Variants in SYNDIG1 observed in about 807,000 individuals in gnomAD.
The protein encoded by SYNDIG1 is synapse differentiation inducing 1.
A neutral mutation model predicts 19.4 loss-of-function variants in SYNDIG1; 9 were observed. The observed-to-expected ratio is 0.46, with a 90% CI of 0.28 to 0.81. The LOEUF (loss-of-function observed/expected upper bound fraction) is 0.81, where lower values mean the gene tolerates loss of function less well. Ranked by LOEUF, SYNDIG1 falls within the 30% of genes least tolerant of loss-of-function variation. The pLI is 0.12. For missense variants in SYNDIG1, 311 were observed against 343.3 expected, an observed-to-expected ratio of 0.91 and a Z score of 0.74; for synonymous variants, 141 against 145.9, an observed-to-expected ratio of 0.97 and a Z score of 0.24.
At chr20:24,626,942 G>A (rs886760018) in intron 3 of SYNDIG1, among the ~76,000 whole-genome samples, 43 of 152,280 alleles carry the variant, frequency 2.8e-4, no homozygotes, top group African/African-American at 8.7e-4. Context: ...CAGGCGTGGC[G>A]GCGCGCGCCT....
intron 2 of SYNDIG1, among the ~76,000 whole-genome samples, chr20:24,583,378 G>A (rs1279401199): frequency 5.9e-5 from 9 of 152,186 alleles, no homozygotes; most frequent in Non-Finnish European, 7.3e-5. Flanking sequence ...AGTCATTCTC[G>A]AAGCGCTCCA....
At chr20:24,473,000 C>T (rs1236522974) in intron 1 of SYNDIG1, among the ~76,000 whole-genome samples, 1 of 152,210 alleles carries the variant, frequency 6.6e-6, no homozygotes, top group African/African-American at 2.4e-5. Context: ...TCCAGCTTGA[C>T]CCTGTGCCCC....
intron 3 of SYNDIG1, among the ~76,000 whole-genome samples, chr20:24,586,055 A>G (rs1396392151): frequency 1.3e-5 from 2 of 152,174 alleles, no homozygotes; most frequent in East Asian, 3.9e-4. Context: ...CCCTGCCTTT[A>G]TGGGATTTCT....
Position 24,645,187 on chromosome 20 carries a change from T to A in SYNDIG1, c.619-20159T>A, listed in dbSNP as rs190592680. On this transcript the variant is annotated intron_variant, in intron 3 of 3. Transcript: ENST00000376862. ...GTGGCGGTGCACTGCTCTCTCCTGG[T>A]GGTGAAGTGAGCCTCCTGTTGGAAT... is the stretch of plus-strand genomic sequence containing the variant. Among the ~76,000 whole-genome samples the A allele has an allele frequency of 2.0e-3, 307 of 152,342 alleles. 2 individuals are homozygous for A. The Middle Eastern group carries it at 0.024, about 12-fold the overall frequency.
At chr20:24,549,791 A>G (rs922974253) in intron 2 of SYNDIG1, among the ~76,000 whole-genome samples, 8 of 152,134 alleles carry the variant, frequency 5.3e-5, no homozygotes, top group Non-Finnish European at 1.2e-4. Flanking sequence ...TTTGAGTGGT[A>G]GAGGTGGTTT....
intron 1 of SYNDIG1, among the ~76,000 whole-genome samples, chr20:24,521,934 T>G (rs1024563093): frequency 2.9e-4 from 44 of 149,770 alleles, no homozygotes; most frequent in Non-Finnish European, 5.5e-4. Flanking sequence ...TACCCCGAAA[T>G]AGTAATGAAA....
Position 24,578,450 on chromosome 20 carries a change from AAAAAAGAAAGAAAG to A in SYNDIG1, c.481-6396_481-6383del, listed in dbSNP as rs2058266632. Among the ~76,000 whole-genome samples, 4 of 152,118 alleles carry A rather than the reference AAAAAAGAAAGAAAG, an allele frequency of 2.6e-5. No individual in the cohort carries two copies. The South Asian group carries it at 8.3e-4, about 32-fold the overall frequency. Reference sequence around the variant, plus strand: ...GTGCGAGACTCTGTATCAAAAAAAAAAAAAAGAAAGAAAGAAAAAGAAAAGAAAAAAAAAGGAAG... The same window carrying A: ...GTGCGAGACTCTGTATCAAAAAAAAAAAAAAGAAAAGAAAAAAAAAGGAAG... On this transcript the variant is annotated intron_variant, in intron 2 of 3. Coordinates refer to ENST00000376862, the MANE Select transcript of SYNDIG1 (RefSeq NM_024893.3).
intron 2 of SYNDIG1, among the ~76,000 whole-genome samples, chr20:24,556,869 G>T (rs1211424341): frequency 6.6e-6 from 1 of 152,188 alleles, no homozygotes; most frequent in Non-Finnish European, 1.5e-5. Flanking sequence ...CTAGATTGGG[G>T]AAGTTCTCCT....
chr20:24,636,429 G>C (rs1292687663), intron 3 of SYNDIG1, among the ~76,000 whole-genome samples: 1 of 152,196 alleles, frequency 6.6e-6, no homozygotes, highest in African/African-American at 2.4e-5. Flanking sequence ...CTAGTCCATG[G>C]CAAAGTACAT....
At chr20:24,604,202 T>G (rs11905582) in intron 3 of SYNDIG1, among the ~76,000 whole-genome samples, 4,626 of 152,240 alleles carry the variant, frequency 0.03, 150 homozygotes, top group African/African-American at 0.083. Context: ...ACTCGATGGT[T>G]TTGTTCATAA....
chr20:24,548,411 G>A (rs2057634106), intron 2 of SYNDIG1, among the ~76,000 whole-genome samples: 1 of 152,206 alleles, frequency 6.6e-6, no homozygotes, highest in Non-Finnish European at 1.5e-5. Context: ...GTCTTCCCAT[G>A]TAAAAACTTG....
chr20:24,644,251 A>G (rs774748986), intron 3 of SYNDIG1, among the ~76,000 whole-genome samples: 10 of 152,260 alleles, frequency 6.6e-5, no homozygotes, highest in Non-Finnish European at 1.3e-4. Flanking sequence ...TATTGCTGAC[A>G]TAGATGATGA....
chr20:24,578,624 G>A (rs895660646), intron 2 of SYNDIG1, among the ~76,000 whole-genome samples: 1 of 152,138 alleles, frequency 6.6e-6, no homozygotes, highest in East Asian at 1.9e-4. Context: ...TGGCATTTGC[G>A]CAAAAGCCTC....
intron 2 of SYNDIG1, among the ~76,000 whole-genome samples, chr20:24,574,137 C>G (rs1568653457): frequency 6.6e-6 from 1 of 152,092 alleles, no homozygotes; most frequent in Non-Finnish European, 1.5e-5. Context: ...AGCAATTGCA[C>G]CTGAATCCTT....
chr20:24,605,987 T>C (rs1275020847), intron 3 of SYNDIG1, among the ~76,000 whole-genome samples: 1 of 152,272 alleles, frequency 6.6e-6, no homozygotes, highest in African/African-American at 2.4e-5. Flanking sequence ...AGTAAAGCTG[T>C]CCACATGTTT....
rs1378745677 is a variant in SYNDIG1 at position 24,631,316 on chromosome 20, G to T, written c.619-34030G>T. Among the ~76,000 whole-genome samples the T allele has an allele frequency of 2.0e-5, 3 of 152,294 alleles. No homozygotes were observed. The South Asian group carries it at 6.2e-4, about 32-fold the overall frequency. On this transcript the variant is annotated intron_variant, in intron 3 of 3. Transcript: ENST00000376862. ...AAGATGAAATGGTGACTCCTGCGGC[G>T]GGCATTGCCATGCGTCAGGGTGAGC...
At chr20:24,490,961 G>A (rs1489922178) in intron 1 of SYNDIG1, among the ~76,000 whole-genome samples, 1 of 152,232 alleles carries the variant, frequency 6.6e-6, no homozygotes, top group Non-Finnish European at 1.5e-5. Flanking sequence ...CCCAGCGGCA[G>A]TACTGAGCCC....
intron 1 of SYNDIG1, among the ~76,000 whole-genome samples, chr20:24,500,669 C>T (rs994106716): frequency 3.9e-5 from 6 of 152,064 alleles, no homozygotes; most frequent in Admixed American, 6.6e-5. Flanking sequence ...GACACCACAG[C>T]ATCTTTCTTT....
intron 3 of SYNDIG1, among the ~76,000 whole-genome samples, chr20:24,637,124 C>A (rs2059324159): frequency 6.6e-6 from 1 of 152,248 alleles, no homozygotes; most frequent in African/African-American, 2.4e-5. Flanking sequence ...GCAGCCCACC[C>A]TTCCAGCAGC....
Sources: gnomAD v4.1 joint callset for allele counts (sites outside exome capture counted in the v4.1 genomes callset) on GRCh38, gnomAD v4.1.1 for gene constraint, MANE v1.5 for transcripts, NCBI Gene and HGNC (gene_info 2026-07-23, HGNC 2026-07-21) for gene names.